The following DLG2 variants were observed in gnomAD, a reference collection of about 807,000 sequenced individuals.
DLG2 encodes disks large homolog 2.
A neutral mutation model predicts 132.5 loss-of-function variants in DLG2; 45 were observed. That is an observed-to-expected ratio of 0.34 (90% CI 0.27 to 0.44). The LOEUF is 0.44. DLG2 is among the 20% of genes least tolerant of loss of function. The pLI, the probability that DLG2 is intolerant of heterozygous loss-of-function variation, is 1.00. For missense variants in DLG2, 1,045 were observed against 1,196.9 expected, an observed-to-expected ratio of 0.87 and a Z score of 1.87; for synonymous variants, 424 against 419.6, an observed-to-expected ratio of 1.01 and a Z score of -0.13.
chr11:84,186,121 T>C (rs1566860684), intron 8 of DLG2, among the ~76,000 whole-genome samples: 1 of 152,176 alleles, frequency 6.6e-6, no homozygotes, highest in Non-Finnish European at 1.5e-5. Flanking sequence ...TTTTCAGCAT[T>C]TGAATACTAC....
intron 15 of DLG2, among the ~76,000 whole-genome samples, chr11:83,901,856 T>A (rs1307302226): frequency 1.3e-5 from 2 of 152,094 alleles, no homozygotes; most frequent in Non-Finnish European, 2.9e-5. Context: ...AATTTCCTCA[T>A]CCACAACATG....
At chr11:85,452,958 G>A (rs1446681606) in intron 3 of DLG2, 40 of 211,948 alleles carry the variant, frequency 1.9e-4, no homozygotes, top group Non-Finnish European at 7.0e-5. Flanking sequence ...AGCAGAGATG[G>A]CTCAGATTCA....
chr11:84,572,004 A>G (rs907507591), intron 6 of DLG2, among the ~76,000 whole-genome samples: 1 of 152,020 alleles, frequency 6.6e-6, no homozygotes, highest in African/African-American at 2.4e-5. Flanking sequence ...TTCTCATTTT[A>G]CATGGAGAGA....
intron 6 of DLG2, among the ~76,000 whole-genome samples, chr11:85,059,454 T>C (rs1045606512): frequency 6.6e-6 from 1 of 151,642 alleles, no homozygotes; most frequent in African/African-American, 2.4e-5. Flanking sequence ...TTTACAAAAA[T>C]GTTCTTACCA....
intron 6 of DLG2, among the ~76,000 whole-genome samples, chr11:84,823,371 C>T (rs1194097062): frequency 6.6e-6 from 1 of 151,142 alleles, no homozygotes; most frequent in East Asian, 2.0e-4. Flanking sequence ...TCATACTTAC[C>T]CCTCTCCTCC....
intron 18 of DLG2, among the ~76,000 whole-genome samples, chr11:83,738,933 G>A (rs963188550): frequency 3.3e-5 from 5 of 152,126 alleles, no homozygotes; most frequent in African/African-American, 1.2e-4. Flanking sequence ...CCTACTGTTG[G>A]TGACAGTGAA....
intron 6 of DLG2, among the ~76,000 whole-genome samples, chr11:84,937,873 A>G (rs1344073203): frequency 6.6e-6 from 1 of 152,188 alleles, no homozygotes; most frequent in Non-Finnish European, 1.5e-5. Flanking sequence ...ATGATGGCAC[A>G]TTGCACTGTC....
At chr11:84,502,330 CTTTCTTTCTTTCTTTCTTTCTTTCTTT>C (rs2099217977) in intron 7 of DLG2, among the ~76,000 whole-genome samples, 2 of 20,494 alleles carry the variant, frequency 9.8e-5, no homozygotes, top group Non-Finnish European at 1.8e-4. Flanking sequence ...TTCTTTCTTT[CTTTCTTTCTTTCTTTCTTTCTTTCTTT>C]CTTTCTTTCT....
intron 15 of DLG2, among the ~76,000 whole-genome samples, chr11:83,927,308 C>A (rs1379092290): frequency 6.6e-6 from 1 of 152,052 alleles, no homozygotes; most frequent in East Asian, 1.9e-4. Flanking sequence ...TCATGAAAAT[C>A]ACATAAATAA....
chr11:84,343,648 A>G (rs2098525937), intron 7 of DLG2, among the ~76,000 whole-genome samples: 1 of 152,198 alleles, frequency 6.6e-6, no homozygotes. Flanking sequence ...TTGTGCTTCA[A>G]AAAATGGCAA....
At chr11:85,274,115 G>T (rs2077729095) in intron 4 of DLG2, among the ~76,000 whole-genome samples, 1 of 88,386 alleles carries the variant, frequency 1.1e-5, no homozygotes, top group African/African-American at 3.8e-5. Context: ...GGGGTGGGTG[G>T]AGAGGGGAGG....
intron 7 of DLG2, among the ~76,000 whole-genome samples, chr11:84,423,197 T>C (rs994349357): frequency 6.6e-6 from 1 of 152,118 alleles, no homozygotes; most frequent in Non-Finnish European, 1.5e-5. Flanking sequence ...TTGTACAACA[T>C]TGCAAATGTA....
chr11:85,254,855 A>C (rs1310715786), intron 4 of DLG2, among the ~76,000 whole-genome samples: 1 of 151,926 alleles, frequency 6.6e-6, no homozygotes, highest in Non-Finnish European at 1.5e-5. Flanking sequence ...AAAAAAATTA[A>C]TTAGGCATGG....
At chr11:84,150,670 G>A (rs1225182319) in intron 9 of DLG2, among the ~76,000 whole-genome samples, 1 of 152,076 alleles carries the variant, frequency 6.6e-6, no homozygotes, top group Non-Finnish European at 1.5e-5. Flanking sequence ...TGGTGAGAGT[G>A]GGCATCCTTG....
chr11:85,424,488 A>T (rs1231616822), intron 3 of DLG2, among the ~76,000 whole-genome samples: 1 of 152,192 alleles, frequency 6.6e-6, no homozygotes, highest in Non-Finnish European at 1.5e-5. Flanking sequence ...TGAATAAGAC[A>T]ACCCTGAAAC....
At chr11:84,139,518 A>C (rs1385894276) in intron 9 of DLG2, among the ~76,000 whole-genome samples, 2 of 151,746 alleles carry the variant, frequency 1.3e-5, no homozygotes, top group Non-Finnish European at 3.0e-5. Flanking sequence ...AATTACTATT[A>C]ACAAATTATT....
chr11:84,502,382 CT>C (rs1567806893), intron 7 of DLG2, among the ~76,000 whole-genome samples: 1 of 89,100 alleles, frequency 1.1e-5, no homozygotes, highest in Non-Finnish European at 2.1e-5. Flanking sequence ...TTCTTTCTTT[CT>C]TTCTTTCTTT....
chr11:85,085,648 C>T (rs2067824994), intron 6 of DLG2, among the ~76,000 whole-genome samples: 1 of 152,066 alleles, frequency 6.6e-6, no homozygotes, highest in Non-Finnish European at 1.5e-5. Context: ...TTATCCTGTA[C>T]CAGGACCTAT....
intron 20 of DLG2, among the ~76,000 whole-genome samples, chr11:83,534,170 A>G (rs1236444938): frequency 6.6e-5 from 10 of 152,152 alleles, no homozygotes; most frequent in Admixed American, 5.9e-4. Flanking sequence ...AACAGTCTCC[A>G]TGTCAGCACT....
Sources: gnomAD v4.1 joint callset for allele counts (sites outside exome capture counted in the v4.1 genomes callset) on GRCh38, gnomAD v4.1.1 for gene constraint, MANE v1.5 for transcripts, NCBI Gene and HGNC (gene_info 2026-07-23, HGNC 2026-07-21) for gene names.